The following TRUB2 variants were observed in gnomAD, a reference collection of about 807,000 sequenced individuals.
TRUB2 encodes TruB pseudouridine synthase family member 2, also known as pseudouridylate synthase TRUB2, mitochondrial.
TRUB2 carries 31 observed loss-of-function variants against 31.9 expected under a neutral mutation model. That is an observed-to-expected ratio of 0.97 (90% CI 0.73 to 1.31). The LOEUF is 1.31. Ranked by LOEUF, TRUB2 falls within the 50% of genes most tolerant of loss-of-function variation. TRUB2 has a pLI of 0.00. For synonymous variants in TRUB2, 201 were observed against 182.6 expected (o/e 1.10, Z -0.81); for missense variants, 451 against 439.6 (o/e 1.03, Z -0.23).
At chr9:128,314,334 GC>G in intron 4 of TRUB2, among the ~76,000 whole-genome samples, 1 of 152,020 alleles carries the variant, frequency 6.6e-6, no homozygotes, top group Non-Finnish European at 1.5e-5. Context: ...ATCACCCCGA[GC>G]CCCTTCTAGC....
At chr9:128,310,002 G>C (rs1217226141) in intron 7 of TRUB2, 127 bp from the exon 8 acceptor site, 1 of 1,049,210 alleles carries the variant, frequency 9.5e-7, no homozygotes, top group African/African-American at 1.6e-5. Flanking sequence ...AAGCTCTCCA[G>C]GTTGTGCTAT....
In TRUB2 at chr9:128,307,808, T is replaced by A. The variant is rs1361535880; in HGVS notation, c.*1742A>T. On this transcript the variant is annotated 3_prime_UTR_variant, in exon 8 of 8. Transcript: ENST00000372890. ...GTCCCAGCTATTCTGGAAGCTGAGG[T>A]GGGAAGATGGTTAAGCCTGAGAGGA... 1 of 151,726 alleles carries A rather than the reference T, an allele frequency of 6.6e-6. No homozygotes were observed. The highest frequency in any genetic ancestry group is 1.5e-5 in the Non-Finnish European group (1 of 67,952). 9.4% of individuals were successfully genotyped at this position (151,726 alleles called of 1,614,324 possible). A position where few individuals can be genotyped will look rare whatever the true frequency, so the allele number is the denominator to read the frequency against.
chr9:128,314,167 G>A (rs1156399097), intron 4 of TRUB2, among the ~76,000 whole-genome samples: 1 of 152,154 alleles, frequency 6.6e-6, no homozygotes, highest in Non-Finnish European at 1.5e-5. Flanking sequence ...AGCAGGACAT[G>A]GTACCTGGCT....
rs1831910796 is a variant in TRUB2, at chr9:128,308,781, G to C, written c.*769C>G. The C allele has an allele frequency of 6.6e-6, 1 of 151,836 alleles. No individual in the cohort carries two copies. Among genetic ancestry groups the C allele is most frequent in the Non-Finnish European group, 1.5e-5 (1 of 67,992 alleles). 9.4% of individuals were successfully genotyped at this position (151,836 alleles called of 1,614,324 possible). Reference sequence around the variant, plus strand: ...AAAAAATTAGCCAGGTGTGGTGGCGGGCGCCTGTGACCCCAGCTACTTGGG... The same window carrying C: ...AAAAAATTAGCCAGGTGTGGTGGCGCGCGCCTGTGACCCCAGCTACTTGGG... On this transcript the variant is annotated 3_prime_UTR_variant, in exon 8 of 8. Coordinates refer to ENST00000372890, the MANE Select transcript of TRUB2 (RefSeq NM_015679.3).
intron 2 of TRUB2, among the ~76,000 whole-genome samples, chr9:128,320,228 GCA>G (rs1272488107): frequency 6.6e-6 from 1 of 151,960 alleles, no homozygotes; most frequent in African/African-American, 2.4e-5. Context: ...GAGTGCACTG[GCA>G]CAGTCTCGGC....
chr9:128,310,772 G>C, intron 7 of TRUB2, 115 bp downstream of exon 7: 1 of 1,420,044 alleles, frequency 7.0e-7, no homozygotes, highest in East Asian at 2.3e-5. Context: ...GATCAGGGCC[G>C]GCGTGTGCTG....
At chr9:128,310,767 G>A in intron 7 of TRUB2, 120 bp downstream of exon 7, 2 of 1,400,816 alleles carry the variant, frequency 1.4e-6, no homozygotes, top group Non-Finnish European at 2.0e-6. Context: ...GCAGAGATCA[G>A]GGCCGGCGTG....
chr9:128,311,097 G>A lies in TRUB2; in HGVS notation c.534-74C>T, dbSNP rs975292135. ...CCCCACATGAGGTGCCTCTCTGGAAGCTCCTCACTTGCTTTGTGTGCCCTG... is the reference window on the plus strand; with the variant it reads ...CCCCACATGAGGTGCCTCTCTGGAAACTCCTCACTTGCTTTGTGTGCCCTG... On this transcript the variant is annotated intron_variant, in intron 6 of 7. Coordinates refer to ENST00000372890, the MANE Select transcript of TRUB2 (RefSeq NM_015679.3). 5.1e-6 allele frequency: 8 copies of A among 1,574,994 alleles called. No homozygotes were observed. In the East Asian group the frequency reaches 1.6e-4, roughly 31 times the overall value.
rs1389619846 is a variant in TRUB2 at position 128,305,727 on chromosome 9, C to T, written c.*3823G>A. The T allele has an allele frequency of 1.3e-5, 2 of 152,152 alleles. No individual in the cohort carries two copies. The highest frequency in any genetic ancestry group is 6.6e-5 in the Admixed American group (1 of 15,226). The allele number at this position is 152,152 out of a possible 1,614,324, so 9.4% of individuals were successfully genotyped here. On this transcript the variant is annotated 3_prime_UTR_variant, in exon 8 of 8. Coordinates refer to ENST00000372890, the MANE Select transcript of TRUB2 (RefSeq NM_015679.3). ...TTTCTTTTTTTCTGACATAGGGTCTCGCTCTGTTGCCCAGGCTGGAGTACA... is the reference window on the plus strand; with the variant it reads ...TTTCTTTTTTTCTGACATAGGGTCTTGCTCTGTTGCCCAGGCTGGAGTACA...
intron 5 of TRUB2, among the ~76,000 whole-genome samples, chr9:128,312,522 C>G (rs1367643082): frequency 6.6e-6 from 1 of 151,948 alleles, no homozygotes; most frequent in Non-Finnish European, 1.5e-5. Flanking sequence ...ACTTCACCTC[C>G]TAGGTTCAAA....
chr9:128,317,128 C>T (rs200239914), intron 3 of TRUB2, 24 bp downstream of exon 3: 2 of 1,556,364 alleles, frequency 1.3e-6, no homozygotes, highest in East Asian at 4.8e-5. Flanking sequence ...ATCACTGTAC[C>T]CCCAGGCTTC....
In TRUB2 at chr9:128,315,571, G is replaced by A; in HGVS notation, c.374C>T (p.Thr125Ile). 1.9e-6 allele frequency: 3 copies of A among 1,613,462 alleles called. No homozygotes were observed. The highest frequency in any genetic ancestry group is 2.5e-6 in the Non-Finnish European group (3 of 1,179,774). The part of the protein sequence containing the change: ...LLTDMYNAHL[T>I]KDYTVRGLLG... ...GCTGTCCCCAGACCCTCGTACCTTG[G>A]TAAGATGAGCATTGTACATATCGGT... The change falls in exon 4 of 8, where the codon ACC becomes ATC. Residue 125 changes from threonine (T) to isoleucine (I), a missense_variant. Coordinates refer to ENST00000372890, the MANE Select transcript of TRUB2 (RefSeq NM_015679.3).
intron 5 of TRUB2, 71 bp from the exon 6 acceptor site, chr9:128,311,672 C>G (rs80246913): frequency 5.3e-6 from 8 of 1,520,812 alleles, no homozygotes; most frequent in South Asian, 1.1e-5. Flanking sequence ...TCCTTCCCCC[C>G]AGGCCAGCCC....
rs1277618220 is a variant in TRUB2, at chr9:128,311,605, G to C, written c.461-4C>G. ...AGCTTCTCTCTGGTCACGTGGTCTG[G>C]AAAAGGCAGGGGGTTGTCAATGTAC... On this transcript the variant is annotated splice_region_variant and splice_polypyrimidine_tract_variant and intron_variant, in intron 5 of 7. Coordinates refer to ENST00000372890, the MANE Select transcript of TRUB2 (RefSeq NM_015679.3). 6.2e-7 allele frequency: 1 copy of C among 1,613,904 alleles called. No individual in the cohort carries two copies. The highest frequency in any genetic ancestry group is 8.5e-7 in the Non-Finnish European group (1 of 1,179,972).
rs879337404 is a variant in TRUB2, at chr9:128,318,510, T to TG, written c.242-1285_242-1284insC. Among the ~76,000 whole-genome samples the TG allele has an allele frequency of 4.0e-3, 603 of 152,074 alleles. 4 individuals are homozygous for TG. The highest frequency in any genetic ancestry group is 6.9e-3 in the Non-Finnish European group (472 of 67,966). On this transcript the variant is annotated intron_variant, in intron 2 of 7. Transcript: ENST00000372890. ...CCTGAAGACTGAAGACTGTTTTTTT[T>TG]TTGTGTGTGTGTGTTTGCTTGTTTT...
At chr9:128,312,981 C>T (rs1831999706) in intron 5 of TRUB2, among the ~76,000 whole-genome samples, 1 of 151,460 alleles carries the variant, frequency 6.6e-6, no homozygotes, top group Non-Finnish European at 1.5e-5. Context: ...TTTGGGAGGC[C>T]GAGGTGGGCA....
intron 3 of TRUB2, chr9:128,315,893 A>G: frequency 2.0e-6 from 1 of 500,396 alleles, no homozygotes; most frequent in Non-Finnish European, 3.7e-6. Flanking sequence ...CAGGATTCTG[A>G]CACCTGAGAG....
chr9:128,311,144 C>T (rs987870266), intron 6 of TRUB2, 121 bp from the exon 7 acceptor site: 1 of 1,331,528 alleles, frequency 7.5e-7, no homozygotes, highest in Non-Finnish European at 1.0e-6. Context: ...CCTCCAGCCA[C>T]CTTTCCTGCC....
chr9:128,313,032 A>G (rs1832000609), intron 5 of TRUB2, among the ~76,000 whole-genome samples: 1 of 151,726 alleles, frequency 6.6e-6, no homozygotes, highest in Non-Finnish European at 1.5e-5. Flanking sequence ...ACTGGCCAAC[A>G]GGGTGAAACC....
Sources: gnomAD v4.1 joint callset for allele counts (sites outside exome capture counted in the v4.1 genomes callset) on GRCh38, gnomAD v4.1.1 for gene constraint, MANE v1.5 for transcripts, NCBI Gene and HGNC (gene_info 2026-07-23, HGNC 2026-07-21) for gene names.